Variants in MME observed in about 807,000 individuals in gnomAD.
The protein encoded by MME is membrane metalloendopeptidase.
Under a neutral mutation model 113.2 loss-of-function variants are expected in MME, and 98 were observed. The ratio of observed to expected loss-of-function variants is 0.87; its 90% CI spans 0.74 to 1.02. MME has a LOEUF of 1.02. MME is among the 50% of genes least tolerant of loss of function. The probability of loss-of-function intolerance (pLI) is 0.00; values close to 1 mark genes in which losing one functional copy is unlikely to be tolerated. For synonymous variants in MME, 292 were observed against 300.6 expected (o/e 0.97, Z 0.30); for missense variants, 836 against 896.0 (o/e 0.93, Z 0.86).
intron 1 of MME, among the ~76,000 whole-genome samples, chr3:155,073,933 T>G (rs1368047932): frequency 8.5e-5 from 13 of 152,138 alleles, no homozygotes; most frequent in Admixed American, 3.9e-4. Context: ...TGAGTAATAT[T>G]TTGTAGATTA....
chr3:155,126,492 G>T (rs891067636), intron 8 of MME, among the ~76,000 whole-genome samples: 7 of 151,776 alleles, frequency 4.6e-5, no homozygotes, highest in African/African-American at 1.7e-4. Context: ...TCACAAACTG[G>T]CAGTCTTTGG....
intron 8 of MME, among the ~76,000 whole-genome samples, chr3:155,126,783 T>C (rs1166153835): frequency 1.3e-5 from 2 of 151,954 alleles, no homozygotes; most frequent in African/African-American, 4.8e-5. Flanking sequence ...GTGGATCACC[T>C]GAGGTCGGGA....
intron 9 of MME, among the ~76,000 whole-genome samples, chr3:155,138,808 G>A (rs956761672): frequency 3.3e-5 from 5 of 152,142 alleles, no homozygotes; most frequent in African/African-American, 7.2e-5. Context: ...AACCCTTGGA[G>A]TCTGAGTTGG....
At chr3:155,167,064 C>A in intron 18 of MME, 43 bp downstream of exon 18, 1 of 1,608,940 alleles carries the variant, frequency 6.2e-7, no homozygotes, top group South Asian at 1.1e-5. Context: ...GGTATATGCT[C>A]ATAAATTTGA....
chr3:155,124,351 GC>G (rs1171707132), intron 8 of MME, among the ~76,000 whole-genome samples: 2 of 151,818 alleles, frequency 1.3e-5, no homozygotes, highest in African/African-American at 4.8e-5. Context: ...CAACTTCTTT[GC>G]CTTTGGTTTG....
chr3:155,094,056 G>A (rs143509060), intron 3 of MME, among the ~76,000 whole-genome samples: 293 of 152,288 alleles, frequency 1.9e-3, no homozygotes, highest in African/African-American at 6.6e-3. Flanking sequence ...TAGGAAGAAT[G>A]TAGGTTAATA....
chr3:155,083,316 T>C lies in MME; in HGVS notation c.-10-842T>C, dbSNP rs149318761. Among the ~76,000 whole-genome samples the C allele has an allele frequency of 1.3e-4, 20 of 152,334 alleles. No individual in the cohort carries two copies. The East Asian group carries it at 3.3e-3, about 25-fold the overall frequency. On this transcript the variant is annotated intron_variant, in intron 1 of 22. Coordinates refer to ENST00000360490, the MANE Select transcript of MME (RefSeq NM_007289.4). ...TCTATTCTGTGGCAGTGTCCACTTT[T>C]TGGTTTAAAGTTTTTAACACATCTC...
rs1721712121 is a variant in MME, at chr3:155,148,743, A to G, written c.1601+90A>G. 1.3e-5 allele frequency: 12 copies of G among 946,390 alleles called. No homozygotes were observed. In the South Asian group the frequency reaches 1.7e-4, roughly 13 times the overall value. 58.6% of individuals were successfully genotyped at this position (946,390 alleles called of 1,614,324 possible). ...GATTAAGTGAAAGAGCCTCAGTTAG[A>G]AAAATATTAAAAAGTACAAAGTCCT... On this transcript the variant is annotated intron_variant, in intron 16 of 22. Transcript: ENST00000360490.
intron 17 of MME, among the ~76,000 whole-genome samples, chr3:155,161,592 T>C (rs547365159): frequency 6.6e-6 from 1 of 152,224 alleles, no homozygotes; most frequent in Admixed American, 6.5e-5. Context: ...CTAAAAAGAG[T>C]TAGGTTAAGA....
chr3:155,030,496 ACT>A (rs1712934059), intron 1 of MME, among the ~76,000 whole-genome samples: 1 of 152,024 alleles, frequency 6.6e-6, no homozygotes, highest in South Asian at 2.1e-4. Context: ...CTGTATCTGT[ACT>A]CAGTGTAGAT....
chr3:155,115,617 C>T (rs1388755881), intron 4 of MME, among the ~76,000 whole-genome samples: 11 of 152,194 alleles, frequency 7.2e-5, no homozygotes, highest in East Asian at 1.9e-4. Context: ...TTAGTAGGGA[C>T]GGGGTTTCAC....
chr3:155,054,370 G>C (rs932626510), intron 1 of MME, among the ~76,000 whole-genome samples: 1 of 151,996 alleles, frequency 6.6e-6, no homozygotes. Context: ...TCATGTTACT[G>C]AGAGGAATTT....
chr3:155,137,795 C>CTCA (rs1426434431), intron 8 of MME, among the ~76,000 whole-genome samples: 1 of 152,120 alleles, frequency 6.6e-6, no homozygotes. Flanking sequence ...TGTTTTGCAA[C>CTCA]TCATTCTAAT....
rs575924473 is a variant in MME at position 155,026,726 on chromosome 3, C to G, written c.-11+2402C>G. 6.6e-5 allele frequency among the ~76,000 whole-genome samples: 10 copies of G among 152,098 alleles called. No individual in the cohort carries two copies. The East Asian group carries it at 1.9e-3, about 29-fold the overall frequency. ...GTGACAGTGAGACTCTGTCCCATTC[C>G]CCCCACCTCCCCCAGAAAAGCAAGC... On this transcript the variant is annotated intron_variant, in intron 1 of 22. Transcript: ENST00000492661.
In MME at chr3:155,182,015, C is replaced by T. The variant is rs1713139358; in HGVS notation, c.*1556C>T. The T allele has an allele frequency of 6.6e-6, 1 of 152,134 alleles. No individual in the cohort carries two copies. The highest frequency in any genetic ancestry group is 2.1e-4 in the South Asian group (1 of 4,830). 9.4% of individuals were successfully genotyped at this position (152,134 alleles called of 1,614,324 possible). ...AAACTTAACTTTAACTGAACAATGG[C>T]CCTGTAGCCAGCACCTGTAAGAAAC... is the stretch of plus-strand genomic sequence containing the variant. On this transcript the variant is annotated 3_prime_UTR_variant, in exon 23 of 23. Coordinates refer to ENST00000360490, the MANE Select transcript of MME (RefSeq NM_007289.4).
chr3:155,084,148 T>C lies in MME; in HGVS notation c.-10-10T>C. 6.2e-7 allele frequency: 1 copy of C among 1,608,278 alleles called. No individual in the cohort carries two copies. Among genetic ancestry groups the C allele is most frequent in the Non-Finnish European group, 8.5e-7 (1 of 1,174,726 alleles). On this transcript the variant is annotated splice_polypyrimidine_tract_variant and intron_variant, in intron 1 of 22. Coordinates refer to ENST00000360490, the MANE Select transcript of MME (RefSeq NM_007289.4). Reference sequence around the variant, plus strand: ...TTGTTTTTCATTATTAGTATTTTCATTTTTTGCAGATTTTAGGTGATGGGC... The same window carrying C: ...TTGTTTTTCATTATTAGTATTTTCACTTTTTGCAGATTTTAGGTGATGGGC...
At chr3:155,142,537 G>A (rs998652684) in intron 12 of MME, among the ~76,000 whole-genome samples, 3 of 152,112 alleles carry the variant, frequency 2.0e-5, no homozygotes, top group African/African-American at 7.2e-5. Context: ...TATGTGGCAC[G>A]ATGATTGCAT....
At chr3:155,177,792 T>C (rs535797697) in intron 22 of MME, among the ~76,000 whole-genome samples, 1 of 152,298 alleles carries the variant, frequency 6.6e-6, no homozygotes, top group South Asian at 2.1e-4. Context: ...AGCCATTTAC[T>C]TTCAGTGGTT....
rs1717762662 is a variant in MME at position 155,107,230 on chromosome 3, G to A, written c.197-7764G>A. ...TAGCCTGGCGTGGCAGTGGGTGCCT[G>A]TAATCCCAGCTACTTGGGAGGCTGA... On this transcript the variant is annotated intron_variant, in intron 3 of 22. Transcript: ENST00000360490. Among the ~76,000 whole-genome samples the A allele has an allele frequency of 4.6e-5, 7 of 152,002 alleles. No homozygotes were observed. In the South Asian group the frequency reaches 1.2e-3, roughly 27 times the overall value.
Sources: gnomAD v4.1 joint callset for allele counts (sites outside exome capture counted in the v4.1 genomes callset) on GRCh38, gnomAD v4.1.1 for gene constraint, MANE v1.5 for transcripts, NCBI Gene and HGNC (gene_info 2026-07-23, HGNC 2026-07-21) for gene names.